RBFA: variants seen among roughly 807,000 people sequenced by gnomAD.
RBFA encodes ribosome binding factor A.
In RBFA, 16 loss-of-function variants were observed where a neutral mutation model predicts 27.9. The ratio of observed to expected loss-of-function variants is 0.57; its 90% CI spans 0.39 to 0.87. The LOEUF (loss-of-function observed/expected upper bound fraction) is 0.87. Ranked by LOEUF, RBFA falls within the 40% of genes least tolerant of loss-of-function variation. RBFA has a pLI of 0.00. For synonymous variants in RBFA, 181 were observed against 181.0 expected, an observed-to-expected ratio of 1.00 and a Z score of 0.00; for missense variants, 456 against 432.1, an observed-to-expected ratio of 1.06 and a Z score of -0.49.
chr18:80,050,185 G>A lies in RBFA; in HGVS notation c.*4030G>A, dbSNP rs1015824923. 6.6e-6 allele frequency among the ~76,000 whole-genome samples: 1 copy of A among 152,186 alleles called. No individual in the cohort carries two copies. Among genetic ancestry groups the A allele is most frequent in the Non-Finnish European group, 1.5e-5 (1 of 68,034 alleles). On this transcript the variant is annotated 3_prime_UTR_variant, in exon 7 of 7. Coordinates refer to ENST00000306735, the MANE Select transcript of RBFA (RefSeq NM_024805.3). Reference sequence around the variant, plus strand: ...TGGGGGAAGAATGAGGGGACAACAGGGCAGGGAGAAGGGACAGAGCTAGAG... The same window carrying A: ...TGGGGGAAGAATGAGGGGACAACAGAGCAGGGAGAAGGGACAGAGCTAGAG...
Position 80,048,637 on chromosome 18 carries a change from T to C in RBFA, c.*2482T>C, listed in dbSNP as rs375858457. On this transcript the variant is annotated 3_prime_UTR_variant, in exon 7 of 7. Transcript: ENST00000306735. Reference sequence around the variant, plus strand: ...AGAGCCCCAGGCTGCTGCCCAGACCTCCACGCCTGTGCCGGATGTGGTGTT... The same window carrying C: ...AGAGCCCCAGGCTGCTGCCCAGACCCCCACGCCTGTGCCGGATGTGGTGTT... 3.9e-5 allele frequency among the ~76,000 whole-genome samples: 6 copies of C among 152,182 alleles called. No homozygotes were observed. In the East Asian group the frequency reaches 5.8e-4, roughly 15 times the overall value.
In RBFA at chr18:80,046,504, G is replaced by A. The variant is rs927385932; in HGVS notation, c.*349G>A. On this transcript the variant is annotated 3_prime_UTR_variant, in exon 7 of 7. Transcript: ENST00000306735. Reference sequence around the variant, plus strand: ...GAGGGGTCAGGCCACAGCAGTGGCCGGGGTAAGAACTGAACCTGCAAACCT... The same window carrying A: ...GAGGGGTCAGGCCACAGCAGTGGCCAGGGTAAGAACTGAACCTGCAAACCT... 5 of 243,150 alleles carry A rather than the reference G, an allele frequency of 2.1e-5. No homozygotes were observed. The highest frequency in any genetic ancestry group is 5.0e-5 in the South Asian group (1 of 20,038). 15.1% of individuals were successfully genotyped at this position (243,150 alleles called of 1,614,324 possible).
chr18:80,045,570 G>T (rs1393725877), intron 6 of RBFA, among the ~76,000 whole-genome samples: 1 of 152,076 alleles, frequency 6.6e-6, no homozygotes, highest in Non-Finnish European at 1.5e-5. Flanking sequence ...GACTGTGCTG[G>T]CCGAATGCTT....
chr18:80,037,315 T>C lies in RBFA; in HGVS notation c.202-15T>C. 2 of 1,612,080 alleles carry C rather than the reference T, an allele frequency of 1.2e-6. No individual in the cohort carries two copies. Among genetic ancestry groups the C allele is most frequent in the African/African-American group, 1.3e-5 (1 of 75,018 alleles). On this transcript the variant is annotated splice_polypyrimidine_tract_variant and intron_variant, in intron 2 of 6. Transcript: ENST00000306735. ...GTAACGCTGCCCTTGGGGTGTGCTC[T>C]TCTTCCTGATGGAGACTTACAAACC...
intron 6 of RBFA, among the ~76,000 whole-genome samples, chr18:80,044,962 G>A (rs1205236205): frequency 1.3e-5 from 2 of 152,350 alleles, no homozygotes; most frequent in South Asian, 2.1e-4. Flanking sequence ...AAAGCTCCAC[G>A]CTGTAGCAGG....
Position 80,034,804 on chromosome 18 carries a change from C to T in RBFA, c.158+151C>T, listed in dbSNP as rs143933574. On this transcript the variant is annotated intron_variant, in intron 1 of 6. Coordinates refer to ENST00000306735, the MANE Select transcript of RBFA (RefSeq NM_024805.3). ...GGGTCTGCAGCAGTTCTAGCTCTCACTGTCAGCATTTGCAGCTTTTGTGTT... is the reference window on the plus strand; with the variant it reads ...GGGTCTGCAGCAGTTCTAGCTCTCATTGTCAGCATTTGCAGCTTTTGTGTT... 2.7e-4 allele frequency: 240 copies of T among 877,662 alleles called. No homozygotes were observed. In the African/African-American group the frequency reaches 4.0e-3, roughly 15 times the overall value. The allele number at this position is 877,662 out of a possible 1,614,324, so 54.4% of individuals were successfully genotyped here.
chr18:80,036,844 A>G (rs774492885), intron 2 of RBFA, 134 bp downstream of exon 2: 6 of 562,638 alleles, frequency 1.1e-5, no homozygotes, highest in South Asian at 2.9e-5. Context: ...ACTGGATGCC[A>G]TTGGCAACAT....
rs1426587781 is a variant in RBFA at position 80,044,264 on chromosome 18, A to G, written c.629A>G (p.Asn210Ser). The change falls in exon 6 of 7, where the codon AAC becomes AGC. Residue 210 changes from asparagine (N) to serine (S), a missense_variant. Physicochemically the swap from Asn to Ser is conservative, Grantham distance 46. Coordinates refer to ENST00000306735, the MANE Select transcript of RBFA (RefSeq NM_024805.3). The stretch of plus-strand genomic sequence containing the variant: ...TTTGGACCCCGGGATGAAAGAGACA[A>G]CTTTGTACAAAATGATTTCAGGTGA... ...ADFGPRDERD[N>S]FVQNDFRDPD... The G allele has an allele frequency of 1.9e-6, 3 of 1,613,848 alleles. No individual in the cohort carries two copies. Among genetic ancestry groups the G allele is most frequent in the Non-Finnish European group, 2.5e-6 (3 of 1,179,794 alleles).
At chr18:80,042,038 C>A in intron 4 of RBFA, 97 bp from the exon 5 acceptor site, 3 of 855,574 alleles carry the variant, frequency 3.5e-6, no homozygotes, top group South Asian at 2.2e-5. Flanking sequence ...TCACTCCTGC[C>A]TCTTGGTTAC....
rs1409719973 is a variant in RBFA, at chr18:80,047,318, T to C, written c.*1163T>C. On this transcript the variant is annotated 3_prime_UTR_variant, in exon 7 of 7. Transcript: ENST00000306735. ...CCAAGGGATAGCAGACCCGTAGCAC[T>C]GAGCGGCCTGCCGTGCTGACCACTG... 3 of 152,308 alleles carry C rather than the reference T, an allele frequency of 2.0e-5. No homozygotes were observed. The highest frequency in any genetic ancestry group is 3.8e-4 in the East Asian group (2 of 5,202). 9.4% of individuals were successfully genotyped at this position (152,308 alleles called of 1,614,324 possible).
intron 4 of RBFA, chr18:80,041,204 G>C (rs1031401287): frequency 2.0e-5 from 3 of 152,310 alleles, no homozygotes; most frequent in African/African-American, 4.8e-5. Flanking sequence ...GAAAATGAGA[G>C]ATTATTGACA....
chr18:80,036,592 T>C (rs748653133), intron 1 of RBFA, 76 bp from the exon 2 acceptor site: 13 of 1,104,142 alleles, frequency 1.2e-5, no homozygotes, highest in South Asian at 3.9e-5. Context: ...AGTTATGGTA[T>C]CATAACCTCT....
At chr18:80,040,239 A>AT (rs71338083) in intron 4 of RBFA, among the ~76,000 whole-genome samples, 2,468 of 91,458 alleles carry the variant, frequency 0.027, 134 homozygotes, top group African/African-American at 0.083. Flanking sequence ...GGAGGCCTGA[A>AT]TTTTTTTTTT....
chr18:80,044,324 C>T (rs908595593), intron 6 of RBFA, 39 bp downstream of exon 6: 2 of 1,535,072 alleles, frequency 1.3e-6, no homozygotes, highest in African/African-American at 1.4e-5. Context: ...CCCTGGGGTA[C>T]ATTCCTGGGT....
rs1435048737 is a variant in RBFA, at chr18:80,050,150, G to T, written c.*3995G>T. ...AGCTGCCTTGAAGGAGAGAGGGCTT[G>T]AGTGTATTTTGGGGGAAGAATGAGG... is the stretch of plus-strand genomic sequence containing the variant. On this transcript the variant is annotated 3_prime_UTR_variant, in exon 7 of 7. Transcript: ENST00000306735. Among the ~76,000 whole-genome samples the T allele has an allele frequency of 6.6e-6, 1 of 152,204 alleles. No homozygotes were observed. Among genetic ancestry groups the T allele is most frequent in the African/African-American group, 2.4e-5 (1 of 41,442 alleles).
chr18:80,044,829 T>C (rs1256393300), intron 6 of RBFA, among the ~76,000 whole-genome samples: 1 of 152,230 alleles, frequency 6.6e-6, no homozygotes, highest in Non-Finnish European at 1.5e-5. Flanking sequence ...GGGGCCCCAT[T>C]CCAAGCCCAC....
At chr18:80,037,563 T>A in intron 3 of RBFA, 57 bp downstream of exon 3, 1 of 1,473,666 alleles carries the variant, frequency 6.8e-7, no homozygotes, top group Non-Finnish European at 9.3e-7. Flanking sequence ...TGGCACTTAC[T>A]TTACCTGGCC....
intron 5 of RBFA, among the ~76,000 whole-genome samples, chr18:80,042,767 CAA>C (rs942182240): frequency 4.0e-5 from 5 of 124,620 alleles, no homozygotes; most frequent in African/African-American, 6.0e-5. Context: ...GACTCCGTGT[CAA>C]AAAAAAAAAA....
intron 2 of RBFA, 108 bp from the exon 3 acceptor site, chr18:80,037,222 G>T: frequency 1.3e-6 from 1 of 766,238 alleles, no homozygotes. Flanking sequence ...AGTGATAGCT[G>T]CTGTTGATCT....
Sources: gnomAD v4.1 joint callset for allele counts (sites outside exome capture counted in the v4.1 genomes callset) on GRCh38, gnomAD v4.1.1 for gene constraint, MANE v1.5 for transcripts, NCBI Gene and HGNC (gene_info 2026-07-23, HGNC 2026-07-21) for gene names.